The following MAP3K9 variants were observed in gnomAD, a reference collection of about 807,000 sequenced individuals.
MAP3K9 encodes mitogen-activated protein kinase kinase kinase 9, also known as mixed lineage kinase 1 (tyr and ser/thr specificity).
Under a neutral mutation model 95.8 loss-of-function variants are expected in MAP3K9, and 46 were observed. That is an observed-to-expected ratio of 0.48 (90% confidence interval 0.38 to 0.61). The LOEUF (loss-of-function observed/expected upper bound fraction) is 0.61. Among genes scored for constraint, MAP3K9 ranks in the 20% least tolerant of loss-of-function variants. The probability of loss-of-function intolerance (pLI) is 0.00; values close to 1 mark genes in which losing one functional copy is unlikely to be tolerated. For missense variants in MAP3K9, 1,296 were observed against 1,474.3 expected (o/e 0.88, Z 1.98); for synonymous variants, 533 against 593.8 (o/e 0.90, Z 1.49).
At chr14:70,751,737 A>T (rs538949293) in intron 3 of MAP3K9, among the ~76,000 whole-genome samples, 1 of 152,322 alleles carries the variant, frequency 6.6e-6, no homozygotes, top group African/African-American at 2.4e-5. Context: ...CAATAATAAT[A>T]ATAAACCCAG....
At chr14:70,751,014 A>G (rs954556988) in intron 3 of MAP3K9, among the ~76,000 whole-genome samples, 8 of 151,436 alleles carry the variant, frequency 5.3e-5, no homozygotes, top group Non-Finnish European at 1.2e-4. Flanking sequence ...TAGGTTGAAT[A>G]GATTTCTGCC....
At chr14:70,780,022 G>C (rs1594800971) in intron 2 of MAP3K9, among the ~76,000 whole-genome samples, 1 of 152,340 alleles carries the variant, frequency 6.6e-6, no homozygotes, top group African/African-American at 2.4e-5. Flanking sequence ...AAAGTTTTCA[G>C]ACAGGCTGGT....
chr14:70,743,490 A>G (rs1298753559), intron 5 of MAP3K9, among the ~76,000 whole-genome samples: 1 of 152,052 alleles, frequency 6.6e-6, no homozygotes, highest in Non-Finnish European at 1.5e-5. Context: ...AGAATCTACA[A>G]AGAACTTAAA....
At chr14:70,784,332 C>T (rs371871940) in intron 2 of MAP3K9, among the ~76,000 whole-genome samples, 1 of 151,946 alleles carries the variant, frequency 6.6e-6, no homozygotes, top group East Asian at 1.9e-4. Context: ...AAAAACAAAA[C>T]CACAACACAA....
chr14:70,730,384 GACCAGA>G lies in MAP3K9; in HGVS notation c.3305_3310del (p.Phe1102_Trp1103del). Reference sequence around the variant, plus strand: ...CCCGCCCCAATCCTTTTCGTGCTAAGACCAGAACTCCTGCTGGATCTCATAAGGGGC... The same window carrying G: ...CCCGCCCCAATCCTTTTCGTGCTAAGACTCCTGCTGGATCTCATAAGGGGC... On this transcript the variant is annotated inframe_deletion, in exon 12 of 12. Transcript: ENST00000554752. 1 of 1,603,420 alleles carries G rather than the reference GACCAGA, an allele frequency of 6.2e-7. No homozygotes were observed. Among genetic ancestry groups the G allele is most frequent in the East Asian group, 2.2e-5 (1 of 44,550 alleles).
intron 5 of MAP3K9, among the ~76,000 whole-genome samples, chr14:70,743,280 G>A (rs1469172617): frequency 1.3e-5 from 2 of 152,038 alleles, no homozygotes; most frequent in Non-Finnish European, 2.9e-5. Context: ...GAGTCACTGC[G>A]ACAAGCCAAA....
At chr14:70,773,958 C>A (rs2054562228) in intron 2 of MAP3K9, among the ~76,000 whole-genome samples, 1 of 152,134 alleles carries the variant, frequency 6.6e-6, no homozygotes, top group Non-Finnish European at 1.5e-5. Context: ...TTGCTCATTA[C>A]TACAGCAAAA....
Position 70,808,962 on chromosome 14 carries a change from C to A in MAP3K9, c.210G>T (p.Glu70Asp). Residue 70 changes from glutamate (E) to aspartate (D), a missense_variant, in exon 1 of 12, where the codon GAG (glutamate) becomes GAT (aspartate). By Grantham distance (45) the Glu-to-Asp change is conservative. Coordinates refer to ENST00000554752, the MANE Select transcript of MAP3K9 (RefSeq NM_001284230.2). Reference protein sequence around the residue: ...VFEYEAAGEDELTLRLGDVVE... With the variant: ...VFEYEAAGEDDLTLRLGDVVE... ...CCACGTCGCCCAGCCGCAGGGTCAG[C>A]TCGTCCTCGCCCGCCGCCTCGTACT... is the stretch of plus-strand genomic sequence containing the variant. 6.3e-7 allele frequency: 1 copy of A among 1,575,918 alleles called. No individual in the cohort carries two copies. Among genetic ancestry groups the A allele is most frequent in the Non-Finnish European group, 8.6e-7 (1 of 1,167,628 alleles).
intron 3 of MAP3K9, among the ~76,000 whole-genome samples, chr14:70,757,920 TAA>T (rs1325942838): frequency 6.6e-6 from 1 of 152,014 alleles, no homozygotes; most frequent in Non-Finnish European, 1.5e-5. Flanking sequence ...ATCAGAGACA[TAA>T]AAGTAAGAGC....
intron 2 of MAP3K9, among the ~76,000 whole-genome samples, chr14:70,781,045 T>G (rs1370665280): frequency 1.3e-5 from 2 of 152,216 alleles, no homozygotes; most frequent in African/African-American, 2.4e-5. Flanking sequence ...TCCTCTGTGC[T>G]TTTCCCCAGT....
chr14:70,758,139 A>G (rs1016497057), intron 3 of MAP3K9, among the ~76,000 whole-genome samples: 1 of 152,204 alleles, frequency 6.6e-6, no homozygotes, highest in African/African-American at 2.4e-5. Context: ...AAATTTGCTA[A>G]TCATATATCT....
At chr14:70,747,490 G>A (rs2054163692) in intron 5 of MAP3K9, among the ~76,000 whole-genome samples, 1 of 152,184 alleles carries the variant, frequency 6.6e-6, no homozygotes, top group Non-Finnish European at 1.5e-5. Context: ...ATTAACCAGT[G>A]TTGGGTATGT....
chr14:70,747,874 C>T (rs976552381), intron 5 of MAP3K9, among the ~76,000 whole-genome samples: 10 of 152,030 alleles, frequency 6.6e-5, no homozygotes, highest in Admixed American at 5.2e-4. Flanking sequence ...TTTGGGAGGC[C>T]GAGGTGGGCG....
intron 6 of MAP3K9, among the ~76,000 whole-genome samples, chr14:70,741,415 G>A (rs1018390078): frequency 3.3e-5 from 5 of 152,178 alleles, no homozygotes; most frequent in South Asian, 4.1e-4. Flanking sequence ...TAATAAGCCT[G>A]CTTTCTAGGG....
chr14:70,809,443 C>G lies in MAP3K9; in HGVS notation c.-272G>C, dbSNP rs2055042810. On this transcript the variant is annotated 5_prime_UTR_variant, in exon 1 of 12. Transcript: ENST00000554752. Reference sequence around the variant, plus strand: ...CGCCCCCCCGGGGGCGGCCTCGTCACCTCTGCCGCCGGTACCTGCTCGCGC... The same window carrying G: ...CGCCCCCCCGGGGGCGGCCTCGTCAGCTCTGCCGCCGGTACCTGCTCGCGC... 3.5e-6 allele frequency: 1 copy of G among 282,656 alleles called. No individual in the cohort carries two copies. The highest frequency in any genetic ancestry group is 1.5e-4 in the South Asian group (1 of 6,528). 17.5% of individuals were successfully genotyped at this position (282,656 alleles called of 1,614,324 possible).
At chr14:70,748,724 T>C (rs2054183643) in intron 5 of MAP3K9, 105 bp downstream of exon 5, 1 of 801,542 alleles carries the variant, frequency 1.2e-6, no homozygotes. Context: ...ATCAAGATGG[T>C]CAGTCAGACT....
At chr14:70,746,005 C>A (rs1471598143) in intron 5 of MAP3K9, among the ~76,000 whole-genome samples, 1 of 152,182 alleles carries the variant, frequency 6.6e-6, no homozygotes, top group African/African-American at 2.4e-5. Context: ...TGTGCGCCCT[C>A]CAAATCCTTT....
At chr14:70,798,773 C>G (rs542094401) in intron 2 of MAP3K9, among the ~76,000 whole-genome samples, 13 of 152,034 alleles carry the variant, frequency 8.6e-5, no homozygotes, top group Non-Finnish European at 1.5e-5. Flanking sequence ...CCACCGCGCC[C>G]GGCCCAAAAG....
intron 2 of MAP3K9, among the ~76,000 whole-genome samples, chr14:70,762,164 T>C (rs1469600601): frequency 1.3e-5 from 2 of 152,216 alleles, no homozygotes. Context: ...GACACATGGG[T>C]TGTTTCCACT....
Sources: gnomAD v4.1 joint callset for allele counts (sites outside exome capture counted in the v4.1 genomes callset) on GRCh38, gnomAD v4.1.1 for gene constraint, MANE v1.5 for transcripts, NCBI Gene and HGNC (gene_info 2026-07-23, HGNC 2026-07-21) for gene names.